ABCG2: variants seen among roughly 807,000 people sequenced by gnomAD.
ABCG2 encodes ATP binding cassette subfamily G member 2 (JR blood group).
ABCG2 carries 80 observed loss-of-function variants against 73.5 expected under a neutral mutation model. The ratio of observed to expected loss-of-function variants is 1.09; its 90% CI spans 0.91 to 1.31. ABCG2 has a LOEUF of 1.31. Among genes scored for constraint, ABCG2 ranks in the 50% most tolerant of loss-of-function variants. The pLI is 0.00. For synonymous variants in ABCG2, 269 were observed against 282.4 expected (o/e 0.95, Z 0.48); for missense variants, 796 against 786.2 (o/e 1.01, Z -0.15).
intron 1 of ABCG2, among the ~76,000 whole-genome samples, chr4:88,180,043 C>T (rs1044061066): frequency 1.3e-5 from 2 of 151,918 alleles, no homozygotes; most frequent in Non-Finnish European, 2.9e-5. Context: ...AAGAACTTTC[C>T]AAAACTAGAG....
chr4:88,105,388 A>G (rs941505215), intron 10 of ABCG2, among the ~76,000 whole-genome samples: 5 of 152,212 alleles, frequency 3.3e-5, no homozygotes, highest in African/African-American at 1.2e-4. Flanking sequence ...AGCAAGCACT[A>G]CGGAGCACAG....
chr4:88,153,286 T>C (rs1726666423), intron 1 of ABCG2, among the ~76,000 whole-genome samples: 1 of 151,702 alleles, frequency 6.6e-6, no homozygotes, highest in Admixed American at 6.6e-5. Flanking sequence ...CAGAAGATAG[T>C]AGGGATGACA....
chr4:88,160,348 T>C (rs1246247817), upstream of ABCG2, among the ~76,000 whole-genome samples: 1 of 152,168 alleles, frequency 6.6e-6, no homozygotes, highest in Non-Finnish European at 1.5e-5. Context: ...ATTTTCTTTT[T>C]AGCTCACCCA....
At chr4:88,162,859 A>G (rs1318754828), upstream of ABCG2, among the ~76,000 whole-genome samples, 2 of 152,126 alleles carry the variant, frequency 1.3e-5, no homozygotes, top group African/African-American at 4.8e-5. Flanking sequence ...GCCCTCCACC[A>G]CAGGACCTTT....
chr4:88,190,197 C>G (rs1728629086), intron 1 of ABCG2, among the ~76,000 whole-genome samples: 1 of 152,082 alleles, frequency 6.6e-6, no homozygotes, highest in Non-Finnish European at 1.5e-5. Flanking sequence ...ATTATTAAAG[C>G]CTGTTTTTAT....
In ABCG2 at chr4:88,190,853, TAA is replaced by T. The variant is rs371927414; in HGVS notation, c.-20+40139_-20+40140del. Among the ~76,000 whole-genome samples, 739 of 152,202 alleles carry T rather than the reference TAA, an allele frequency of 4.9e-3. 6 individuals carry two copies. Among genetic ancestry groups the T allele is most frequent in the African/African-American group, 0.017 (707 of 41,530 alleles). Reference sequence around the variant, plus strand: ...TATAAATATTGCACGTGCCCTTTTCTAAACGTTCAGGATAGAGGACCAATTTT... The same window carrying T: ...TATAAATATTGCACGTGCCCTTTTCTACGTTCAGGATAGAGGACCAATTTT... On this transcript the variant is annotated intron_variant, in intron 1 of 15. Coordinates refer to the ABCG2 transcript ENST00000515655.
intron 1 of ABCG2, among the ~76,000 whole-genome samples, chr4:88,140,227 G>A (rs1340918543): frequency 6.6e-6 from 1 of 152,182 alleles, no homozygotes; most frequent in Non-Finnish European, 1.5e-5. Context: ...CCAATTAGAT[G>A]TCAAATACAT....
rs1727115000 is a variant in ABCG2 at position 88,158,611 on chromosome 4, T to C, written c.-245A>G. 1 of 456,212 alleles carries C rather than the reference T, an allele frequency of 2.2e-6. No homozygotes were observed. The highest frequency in any genetic ancestry group is 2.0e-5 in the African/African-American group (1 of 50,062). 28.3% of individuals were successfully genotyped at this position (456,212 alleles called of 1,614,324 possible). A position where few individuals can be genotyped will look rare whatever the true frequency, so the allele number is the denominator to read the frequency against. On this transcript the variant is annotated 5_prime_UTR_variant, in exon 1 of 16. Coordinates refer to ENST00000237612, the MANE Select transcript of ABCG2 (RefSeq NM_004827.3). ...CCACAGGCTGCCTCCTTGCCGCGTC[T>C]CTCAATCTCAGTGGGAGTGGCGGGC...
At chr4:88,225,446 T>C (rs1446097769) in intron 1 of ABCG2, among the ~76,000 whole-genome samples, 1 of 151,426 alleles carries the variant, frequency 6.6e-6, no homozygotes, top group Non-Finnish European at 1.5e-5. Context: ...GAGTGAAGCA[T>C]GATGAGGTTG....
rs142473284 is a variant in ABCG2, at chr4:88,166,385, C to T, written c.-19-26371G>A. On this transcript the variant is annotated intron_variant, in intron 1 of 15. Coordinates refer to the ABCG2 transcript ENST00000515655. ...TTTGCTTTCCCATAGAACCCTTTCTCTCCTCCTCCCTTTTCCCATATTATT... is the reference window on the plus strand; with the variant it reads ...TTTGCTTTCCCATAGAACCCTTTCTTTCCTCCTCCCTTTTCCCATATTATT... 4.2e-3 allele frequency among the ~76,000 whole-genome samples: 633 copies of T among 152,236 alleles called. 5 individuals are homozygous for T. Among genetic ancestry groups the T allele is most frequent in the African/African-American group, 0.014 (575 of 41,566 alleles).
intron 8 of ABCG2, among the ~76,000 whole-genome samples, chr4:88,114,348 CA>C (rs948494573): frequency 1.3e-5 from 2 of 152,024 alleles, no homozygotes; most frequent in African/African-American, 4.8e-5. Context: ...TGGTCGTGGC[CA>C]GGGGCGGTGG....
intron 6 of ABCG2, among the ~76,000 whole-genome samples, chr4:88,120,599 G>A (rs769866053): frequency 3.9e-5 from 6 of 152,248 alleles, no homozygotes; most frequent in East Asian, 1.9e-4. Context: ...TTTGGATTTC[G>A]GACTTGCGTG....
chr4:88,187,800 A>C (rs1361674918), intron 1 of ABCG2, among the ~76,000 whole-genome samples: 1 of 152,198 alleles, frequency 6.6e-6, no homozygotes, highest in Admixed American at 6.6e-5. Flanking sequence ...ATTTGTACTA[A>C]GAAGAGTGAA....
At chr4:88,201,957 G>A (rs1406015997) in intron 1 of ABCG2, 1 of 152,096 alleles carries the variant, frequency 6.6e-6, no homozygotes, top group African/African-American at 2.4e-5. Context: ...GCATACTGGA[G>A]TCTCCTGGAA....
chr4:88,194,009 T>A (rs1214778765), intron 1 of ABCG2, among the ~76,000 whole-genome samples: 3 of 152,186 alleles, frequency 2.0e-5, no homozygotes, highest in Non-Finnish European at 2.9e-5. Context: ...CCTCCCAACC[T>A]AATGGGATTA....
intron 1 of ABCG2, among the ~76,000 whole-genome samples, chr4:88,180,764 T>C (rs1281236920): frequency 6.6e-6 from 1 of 151,452 alleles, no homozygotes; most frequent in Non-Finnish European, 1.5e-5. Flanking sequence ...AAATAAAAGG[T>C]ATAATAAATA....
chr4:88,170,328 C>T (rs1426390527), intron 1 of ABCG2, among the ~76,000 whole-genome samples: 2 of 152,118 alleles, frequency 1.3e-5, no homozygotes, highest in African/African-American at 4.8e-5. Context: ...GTTAAGCTCA[C>T]ATCATACTCA....
intron 9 of ABCG2, among the ~76,000 whole-genome samples, chr4:88,111,615 CACAAGTTTA>C (rs1723137549): frequency 6.6e-6 from 1 of 152,078 alleles, no homozygotes; most frequent in African/African-American, 2.4e-5. Flanking sequence ...AATTATGATG[CACAAGTTTA>C]AACGTCAGTA....
intron 1 of ABCG2, among the ~76,000 whole-genome samples, chr4:88,185,723 C>T (rs901525954): frequency 1.3e-5 from 2 of 152,066 alleles, no homozygotes; most frequent in African/African-American, 2.4e-5. Context: ...CAAAAGAAGA[C>T]GCACGAATGG....
Sources: gnomAD v4.1 joint callset for allele counts (sites outside exome capture counted in the v4.1 genomes callset) on GRCh38, gnomAD v4.1.1 for gene constraint, MANE v1.5 for transcripts, NCBI Gene and HGNC (gene_info 2026-07-23, HGNC 2026-07-21) for gene names.